BTD: variants seen among roughly 807,000 people sequenced by gnomAD.
The protein encoded by BTD is biotinidase.
Under a neutral mutation model 17.7 loss-of-function variants are expected in BTD, and 13 were observed. The observed-to-expected ratio is 0.74, with a 90% CI of 0.48 to 1.17. The LOEUF (loss-of-function observed/expected upper bound fraction) is 1.17. Among genes scored for constraint, BTD ranks in the 50% most tolerant of loss-of-function variants. The pLI is 0.00. For missense variants in BTD, 674 were observed against 650.4 expected (o/e 1.04, Z -0.39); for synonymous variants, 240 against 245.2 (o/e 0.98, Z 0.20).
At position 15,645,107 on chromosome 3, in the gene BTD, C is replaced by G. The variant is rs750006399; in HGVS notation, c.1191C>G (p.Val397=). 7 of 1,614,086 alleles carry G rather than the reference C, an allele frequency of 4.3e-6. No homozygotes were observed. In the East Asian group the frequency reaches 1.6e-4, roughly 36 times the overall value. Residue 397 remains valine, a synonymous_variant, in exon 4 of 4, where the codon GTC becomes GTG. Transcript: ENST00000643237. ...PVWGKEGYLH[V]CSNGLCCYLL... is the part of the protein sequence containing the mutation. ...GGGGAAAGGAAGGCTATCTCCACGT[C>G]TGTTCCAATGGCCTCTGCTGTTATT...
chr3:15,617,952 ATTTATT>A (rs2064839070), intron 1 of BTD, among the ~76,000 whole-genome samples: 1 of 151,992 alleles, frequency 6.6e-6, no homozygotes, highest in South Asian at 2.1e-4. Context: ...TCCATGTACA[ATTTATT>A]TTTATGTATT....
At chr3:15,643,535 T>C (rs772428534) in intron 3 of BTD, among the ~76,000 whole-genome samples, 4 of 152,030 alleles carry the variant, frequency 2.6e-5, no homozygotes, top group Non-Finnish European at 2.9e-5. Flanking sequence ...TTTTGAATTT[T>C]TGCCAGTCTT....
rs188438425 is a variant in BTD, at chr3:15,604,697, G to A, written c.-17+2803G>A. Among the ~76,000 whole-genome samples, 6 of 152,264 alleles carry A rather than the reference G, an allele frequency of 3.9e-5. No individual in the cohort carries two copies. In the East Asian group the frequency reaches 1.2e-3, roughly 29 times the overall value. Reference sequence around the variant, plus strand: ...TTCCTCTGGAACACTTTGCCATTTAGAAATTTCTTCTGCCAGATACCCTAA... The same window carrying A: ...TTCCTCTGGAACACTTTGCCATTTAAAAATTTCTTCTGCCAGATACCCTAA... On this transcript the variant is annotated intron_variant, in intron 1 of 3. Transcript: ENST00000643237.
intron 3 of BTD, among the ~76,000 whole-genome samples, chr3:15,661,409 T>C (rs2065923355): frequency 6.6e-6 from 1 of 152,286 alleles, no homozygotes; most frequent in Admixed American, 6.5e-5. Context: ...CCTGATGAGA[T>C]GTGTGGAACA....
chr3:15,614,634 A>G (rs1416345828), intron 1 of BTD, among the ~76,000 whole-genome samples: 1 of 133,970 alleles, frequency 7.5e-6, no homozygotes, highest in African/African-American at 2.9e-5. Context: ...GTCTCTCTCT[A>G]TTACCCAGGC....
intron 3 of BTD, chr3:15,696,256 C>A (rs1280063213): frequency 1.3e-6 from 2 of 1,492,552 alleles, no homozygotes; most frequent in African/African-American, 1.4e-5. Context: ...CTATATACAA[C>A]AACAACAACA....
Position 15,648,004 on chromosome 3 carries a change from G to C in BTD, c.*2516G>C, listed in dbSNP as rs2065733909. 6.6e-6 allele frequency among the ~76,000 whole-genome samples: 1 copy of C among 152,122 alleles called. No homozygotes were observed. The highest frequency in any genetic ancestry group is 1.5e-5 in the Non-Finnish European group (1 of 68,010). The stretch of plus-strand genomic sequence containing the variant: ...CCCCTGCTGAGGGAAACCCACCCAG[G>C]CCACTTTTCCCCACAGGTGGCCCTG... On this transcript the variant is annotated 3_prime_UTR_variant, in exon 4 of 4. Transcript: ENST00000643237.
intron 3 of BTD, among the ~76,000 whole-genome samples, chr3:15,642,887 G>A (rs528125589): frequency 6.6e-6 from 1 of 151,706 alleles, no homozygotes; most frequent in Non-Finnish European, 1.5e-5. Flanking sequence ...CTCAGGCCAG[G>A]TGTGGTGGCT....
At chr3:15,679,259 T>C (rs1446970760) in intron 3 of BTD, 1 of 1,567,544 alleles carries the variant, frequency 6.4e-7, no homozygotes, top group Non-Finnish European at 8.8e-7. Flanking sequence ...CATGAGCCAC[T>C]GTGCCTGGCT....
At position 15,651,062 on chromosome 3, in the gene BTD, C is replaced by G. The variant is rs2065793916; in HGVS notation, c.*5574C>G. 6.6e-6 allele frequency among the ~76,000 whole-genome samples: 1 copy of G among 152,202 alleles called. No homozygotes were observed. The highest frequency in any genetic ancestry group is 6.5e-5 in the Admixed American group (1 of 15,290). On this transcript the variant is annotated 3_prime_UTR_variant, in exon 4 of 4. Coordinates refer to ENST00000643237, the MANE Select transcript of BTD (RefSeq NM_001370658.1). ...GGATTACAGGCGTGAGCCACCGTAC[C>G]CGGCCAGGGCTGTGATATTCTGATC...
intron 3 of BTD, chr3:15,709,589 AT>A (rs1368518849): frequency 2.0e-6 from 2 of 988,320 alleles, no homozygotes; most frequent in African/African-American, 1.7e-5. Context: ...TGTTCAGTTA[AT>A]TTTCAGAAGC....
At position 15,646,996 on chromosome 3, in the gene BTD, G is replaced by C. The variant is rs550922517; in HGVS notation, c.*1508G>C. 8 of 152,326 alleles carry C rather than the reference G, an allele frequency of 5.3e-5. No individual in the cohort carries two copies. In the East Asian group the frequency reaches 1.5e-3, roughly 29 times the overall value. The allele number at this position is 152,326 out of a possible 1,614,324, so 9.4% of individuals were successfully genotyped here. Reference sequence around the variant, plus strand: ...GAATGCATGTTGAATAAACCATGTGGGAAAAAGCAGAGCCAGCACCAGCCC... The same window carrying C: ...GAATGCATGTTGAATAAACCATGTGCGAAAAAGCAGAGCCAGCACCAGCCC... On this transcript the variant is annotated 3_prime_UTR_variant, in exon 4 of 4. Transcript: ENST00000643237.
chr3:15,665,981 AAG>A (rs2065980845), intron 3 of BTD, among the ~76,000 whole-genome samples: 1 of 152,226 alleles, frequency 6.6e-6, no homozygotes. Flanking sequence ...AGGCATGAGT[AAG>A]AGTGATTAAA....
At chr3:15,695,294 C>A in intron 3 of BTD, 2 of 1,067,292 alleles carry the variant, frequency 1.9e-6, no homozygotes, top group Non-Finnish European at 2.8e-6. Context: ...TAGAGCTTTG[C>A]TAACTTTTAC....
chr3:15,691,534 G>A (rs1314656272), intron 3 of BTD, among the ~76,000 whole-genome samples: 1 of 152,112 alleles, frequency 6.6e-6, no homozygotes, highest in Non-Finnish European at 1.5e-5. Context: ...ATGCTGAGCA[G>A]GACATAAAGA....
In BTD at chr3:15,648,341, G is replaced by A. The variant is rs1445034833; in HGVS notation, c.*2853G>A. On this transcript the variant is annotated 3_prime_UTR_variant, in exon 4 of 4. Transcript: ENST00000643237. ...TTTGAGACAAGAGCTGATGTGGCCT[G>A]AAGATCTGTGAGTGGGACTGCTTGG... Among the ~76,000 whole-genome samples, 2 of 152,222 alleles carry A rather than the reference G, an allele frequency of 1.3e-5. No individual in the cohort carries two copies. The highest frequency in any genetic ancestry group is 6.5e-5 in the Admixed American group (1 of 15,284).
chr3:15,701,015 A>G (rs1295793506), intron 3 of BTD, among the ~76,000 whole-genome samples: 1 of 152,226 alleles, frequency 6.6e-6, no homozygotes, highest in Non-Finnish European at 1.5e-5. Flanking sequence ...CTACCCAAAT[A>G]TTAAACTACC....
chr3:15,689,731 C>T (rs1210154154), intron 3 of BTD: 1 of 263,072 alleles, frequency 3.8e-6, no homozygotes, highest in East Asian at 7.4e-5. Context: ...TACATGTAAA[C>T]AACTTTATAT....
Position 15,676,009 on chromosome 3 carries a change from A to G in BTD, c.399+33952A>G, listed in dbSNP as rs761545502. The G allele has an allele frequency of 8.8e-6, 14 of 1,596,636 alleles. No homozygotes were observed. In the East Asian group the frequency reaches 1.6e-4, roughly 18 times the overall value. Reference sequence around the variant, plus strand: ...AGAGGTCTAGGGGAAAAAACATGATACATGTACACATATGTGCATGTGCAT... The same window carrying G: ...AGAGGTCTAGGGGAAAAAACATGATGCATGTACACATATGTGCATGTGCAT... On this transcript the variant is annotated intron_variant, in intron 3 of 3. Transcript: ENST00000672141.
Sources: gnomAD v4.1 joint callset for allele counts (sites outside exome capture counted in the v4.1 genomes callset) on GRCh38, gnomAD v4.1.1 for gene constraint, MANE v1.5 for transcripts, NCBI Gene and HGNC (gene_info 2026-07-23, HGNC 2026-07-21) for gene names.